STOML3: variants seen among roughly 807,000 people sequenced by gnomAD.
The protein encoded by STOML3 is stomatin-like protein 3.
A neutral mutation model predicts 29.5 loss-of-function variants in STOML3; 31 were observed. The observed-to-expected ratio is 1.05, with a 90% CI of 0.79 to 1.42. The LOEUF is 1.42. Among genes scored for constraint, STOML3 ranks in the 40% most tolerant of loss-of-function variants. The probability of loss-of-function intolerance (pLI) is 0.00; values close to 1 mark genes in which losing one functional copy is unlikely to be tolerated. For missense variants in STOML3, 380 were observed against 363.0 expected, an observed-to-expected ratio of 1.05 and a Z score of -0.38; for synonymous variants, 122 against 139.8, an observed-to-expected ratio of 0.87 and a Z score of 0.90.
At chr13:38,972,420 T>C in intron 4 of STOML3, 92 bp downstream of exon 4, 1 of 1,291,422 alleles carries the variant, frequency 7.7e-7, no homozygotes, top group East Asian at 2.4e-5. Context: ...TTCCCTCCTA[T>C]AGTTTAAAAG....
Position 38,976,857 on chromosome 13 carries a change from C to A in STOML3, c.53-60G>T, listed in dbSNP as rs1011194570. ...TGTGGTTATTAAAAAAGCCACCCAG[C>A]TGCATGGGTGTGGAACCTATCCAGA... On this transcript the variant is annotated intron_variant, in intron 1 of 6. Transcript: ENST00000379631. 3.5e-6 allele frequency: 5 copies of A among 1,433,812 alleles called. No homozygotes were observed. The African/African-American group carries it at 5.7e-5, about 16-fold the overall frequency. 88.8% of individuals were successfully genotyped at this position (1,433,812 alleles called of 1,614,324 possible).
rs765574067 is a variant in STOML3 at position 38,976,609 on chromosome 13, T to C, written c.160A>G (p.Ile54Val). 6 of 1,614,082 alleles carry C rather than the reference T, an allele frequency of 3.7e-6. No homozygotes were observed. Among genetic ancestry groups the C allele is most frequent in the Non-Finnish European group, 3.4e-6 (4 of 1,180,038 alleles). The part of the protein sequence containing the change: ...PISIWMCLKI[I>V]KEYERAVVFR... ...ACAACAGCACGTTCATACTCCTTAATGATCTAGGAGATTAAGGGCGAACGT... is the reference window on the plus strand; with the variant it reads ...ACAACAGCACGTTCATACTCCTTAACGATCTAGGAGATTAAGGGCGAACGT... Residue 54 changes from isoleucine (I) to valine (V), a missense_variant, in exon 3 of 7, where the codon ATT becomes GTT. By Grantham distance (29) the Ile-to-Val change is conservative (BLOSUM62 3). Transcript: ENST00000379631.
At chr13:38,977,169 T>A (rs947167727) in intron 1 of STOML3, among the ~76,000 whole-genome samples, 3 of 152,212 alleles carry the variant, frequency 2.0e-5, no homozygotes, top group Non-Finnish European at 4.4e-5. Context: ...TCCTGTGAAT[T>A]CTCGAGGTAA....
chr13:38,990,578 C>G (rs1482216511), intron 1 of STOML3, 92 bp downstream of exon 1: 13 of 1,278,514 alleles, frequency 1.0e-5, no homozygotes, highest in Non-Finnish European at 1.4e-5. Context: ...GCAAATATAT[C>G]TCATACTTAC....
At chr13:38,977,750 ATTTTTTTTTTTTTTTT>A (rs397851686) in intron 1 of STOML3, among the ~76,000 whole-genome samples, 1 of 84,186 alleles carries the variant, frequency 1.2e-5, no homozygotes, top group South Asian at 5.4e-4. Flanking sequence ...AAGTCTCCGG[ATTTTTTTTTTTTTTTT>A]TTTTTTTTTT....
At chr13:38,981,071 A>G (rs1401468850) in intron 1 of STOML3, among the ~76,000 whole-genome samples, 3 of 152,218 alleles carry the variant, frequency 2.0e-5, no homozygotes, top group Non-Finnish European at 4.4e-5. Flanking sequence ...GCCACTGACA[A>G]GAAGAGAGGC....
chr13:38,972,185 A>ACTGT (rs1401539379), intron 4 of STOML3, among the ~76,000 whole-genome samples: 3 of 152,154 alleles, frequency 2.0e-5, no homozygotes, highest in Non-Finnish European at 4.4e-5. Flanking sequence ...TCATACAGTG[A>ACTGT]CTGTCTGTCT....
intron 2 of STOML3, 41 bp from the exon 3 acceptor site, chr13:38,976,653 C>T (rs779943601): frequency 2.5e-6 from 4 of 1,614,016 alleles, no homozygotes; most frequent in Non-Finnish European, 3.4e-6. Flanking sequence ...AATGGTTTGT[C>T]AGTTCATATA....
At chr13:38,980,183 A>G in intron 1 of STOML3, 1 of 1,519,982 alleles carries the variant, frequency 6.6e-7, no homozygotes, top group South Asian at 1.2e-5. Flanking sequence ...CAAGATTTAC[A>G]CTGGAGCATT....
Position 38,990,718 on chromosome 13 carries a change from C to A in STOML3, c.4G>T (p.Asp2Tyr), listed in dbSNP as rs1306373195. The change falls in exon 1 of 7, where the codon GAT (aspartate) becomes TAT (tyrosine). Residue 2 changes from aspartate (D) to tyrosine (Y), a missense_variant. Physicochemically the swap from Asp to Tyr is radical, Grantham distance 160. Coordinates refer to ENST00000379631, the MANE Select transcript of STOML3 (RefSeq NM_145286.3). MDSRVSSPEKQD... is the reference protein window; with the variant it reads MYSRVSSPEKQD... ...TTCTCAGGTGAAGACACCCTAGAAT[C>A]CATCTCATTCTTGAGAAGCTTTTAT... 1.9e-6 allele frequency: 3 copies of A among 1,613,684 alleles called. No homozygotes were observed. In the African/African-American group the frequency reaches 4.0e-5, roughly 22 times the overall value.
chr13:38,966,871 C>T lies in STOML3; in HGVS notation c.830G>A (p.Gly277Asp), dbSNP rs1880667134. 1.9e-6 allele frequency: 3 copies of T among 1,613,774 alleles called. No individual in the cohort carries two copies. The highest frequency in any genetic ancestry group is 2.5e-6 in the Non-Finnish European group (3 of 1,179,988). ...CTTGTGGTTATCATAGCTGACGCCA[C>T]CAATGCCCTCTAGTATATTCATGGG... ...PLPMNILEGI[G>D]GVSYDNHKKL... Residue 277 changes from glycine (G) to aspartate (D), a missense_variant, in exon 7 of 7, where the codon GGT (glycine) becomes GAT (aspartate). Gly to Asp is a moderately conservative substitution (Grantham distance 94). Transcript: ENST00000379631.
chr13:38,970,451 C>T, intron 4 of STOML3, 63 bp from the exon 5 acceptor site: 4 of 1,414,958 alleles, frequency 2.8e-6, no homozygotes, highest in Non-Finnish European at 4.0e-6. Flanking sequence ...GACAAAGTGA[C>T]AGCCAGCCCA....
chr13:38,981,728 G>A (rs538471614), intron 1 of STOML3, among the ~76,000 whole-genome samples: 6 of 152,188 alleles, frequency 3.9e-5, no homozygotes, highest in South Asian at 2.1e-4. Flanking sequence ...ATTCCAGTAC[G>A]CAGCTACCAG....
intron 5 of STOML3, among the ~76,000 whole-genome samples, chr13:38,969,635 A>G (rs1880787647): frequency 6.6e-6 from 1 of 152,176 alleles, no homozygotes; most frequent in African/African-American, 2.4e-5. Flanking sequence ...ATACAGAAGT[A>G]TTCTTGTCCA....
At chr13:38,972,452 T>C in intron 4 of STOML3, 60 bp downstream of exon 4, 4 of 1,505,108 alleles carry the variant, frequency 2.7e-6, no homozygotes, top group East Asian at 2.3e-5. Flanking sequence ...ATTGTAATTG[T>C]CCTTATAATA....
Position 38,966,575 on chromosome 13 carries a change from C to A in STOML3, c.*250G>T, listed in dbSNP as rs1019901620. 1 of 307,970 alleles carries A rather than the reference C, an allele frequency of 3.2e-6. No individual in the cohort carries two copies. The highest frequency in any genetic ancestry group is 9.2e-4 in the Middle Eastern group (1 of 1,088). The allele number at this position is 307,970 out of a possible 1,614,324, so 19.1% of individuals were successfully genotyped here. A position where few individuals can be genotyped will look rare whatever the true frequency, so the allele number is the denominator to read the frequency against. The stretch of plus-strand genomic sequence containing the variant: ...TTCCTGCTATAAAGTCGGAGACCAC[C>A]ACTAATTAATTATATAAGAATATTA... On this transcript the variant is annotated 3_prime_UTR_variant, in exon 7 of 7. Transcript: ENST00000379631.
chr13:38,985,911 C>CTT lies in STOML3; in HGVS notation c.52+4757_52+4758dup, dbSNP rs1170409048. ...TTTCTTTTTTTTTTTTCTTTTCTTT[C>CTT]TTTTTTTTTTTTTTTTTTTTTTGTT... On this transcript the variant is annotated intron_variant, in intron 1 of 6. Transcript: ENST00000379631. Among the ~76,000 whole-genome samples the CTT allele has an allele frequency of 9.8e-3, 837 of 85,608 alleles. 62 individuals carry two copies. The highest frequency in any genetic ancestry group is 0.029 in the Middle Eastern group (2 of 70). 56.2% of individuals were successfully genotyped at this position (85,608 alleles called of 152,430 possible).
At chr13:38,981,220 A>G (rs771238251) in intron 1 of STOML3, among the ~76,000 whole-genome samples, 22 of 150,732 alleles carry the variant, frequency 1.5e-4, no homozygotes, top group Non-Finnish European at 3.0e-4. Flanking sequence ...CAAATTCCAC[A>G]AACAGACAGT....
chr13:38,988,400 TAAA>T (rs1328950499), intron 1 of STOML3, among the ~76,000 whole-genome samples: 1 of 95,450 alleles, frequency 1.0e-5, no homozygotes, highest in African/African-American at 5.1e-5. Flanking sequence ...ATATTTTATA[TAAA>T]ATATATGATA....
Sources: gnomAD v4.1 joint callset for allele counts (sites outside exome capture counted in the v4.1 genomes callset) on GRCh38, gnomAD v4.1.1 for gene constraint, MANE v1.5 for transcripts, NCBI Gene and HGNC (gene_info 2026-07-23, HGNC 2026-07-21) for gene names.